SH3KBP1: variants seen among roughly 807,000 people sequenced by gnomAD.
SH3KBP1 encodes the protein SH3 domain-containing kinase-binding protein 1.
SH3KBP1 carries 8 observed loss-of-function variants against 50.1 expected under a neutral mutation model. The observed-to-expected ratio is 0.16, with a 90% CI of 0.09 to 0.29. The LOEUF is 0.29. Among genes scored for constraint, SH3KBP1 ranks in the 10% least tolerant of loss-of-function variants. The pLI is 1.00. For missense variants in SH3KBP1, 377 were observed against 535.2 expected (o/e 0.70, Z 2.92); for synonymous variants, 227 against 218.6 (o/e 1.04, Z -0.34).
chrX:19,638,138 C>T (rs751227853), intron 7 of SH3KBP1, among the ~76,000 whole-genome samples: 48 of 108,246 alleles, frequency 4.4e-4, no homozygotes, highest in African/African-American at 1.6e-3. Context: ...AGGCCGGGTG[C>T]GGTGGCTCAC....
At chrX:19,845,607 A>G (rs749814766) in intron 1 of SH3KBP1, among the ~76,000 whole-genome samples, 1 of 110,893 alleles carries the variant, frequency 9.0e-6, no homozygotes, top group South Asian at 3.8e-4. Flanking sequence ...GTGGAATCTT[A>G]GAAAACCATT....
intron 3 of SH3KBP1, among the ~76,000 whole-genome samples, chrX:19,724,424 C>T (rs1408291217): frequency 8.9e-6 from 1 of 112,171 alleles, no homozygotes; most frequent in African/African-American, 3.2e-5. Flanking sequence ...TTTTGCAAGA[C>T]GAAACTTCCC....
chrX:19,700,953 C>T (rs769596781), intron 4 of SH3KBP1, among the ~76,000 whole-genome samples: 1 of 111,906 alleles, frequency 8.9e-6, no homozygotes, highest in Non-Finnish European at 1.9e-5. Context: ...AGGCGGCCCT[C>T]GAAGAGAAAT....
chrX:19,656,363 T>C (rs903410388), intron 6 of SH3KBP1, among the ~76,000 whole-genome samples: 2 of 109,994 alleles, frequency 1.8e-5, no homozygotes, highest in African/African-American at 6.6e-5. Flanking sequence ...AATGGGGAGG[T>C]TGACACAATA....
intron 3 of SH3KBP1, among the ~76,000 whole-genome samples, chrX:19,719,818 C>G (rs976380096): frequency 1.2e-4 from 13 of 106,217 alleles, no homozygotes; most frequent in Admixed American, 6.2e-4. Flanking sequence ...TCAAGACCAG[C>G]TTGGGCAACA....
chrX:19,864,427 G>A lies in SH3KBP1; in HGVS notation c.4+22880C>T, dbSNP rs187249431. Reference sequence around the variant, plus strand: ...AGCTGGCCTTACAAAAGGAAGAGTCGCCTGGATTATCCAGGTGGACCCAAT... The same window carrying A: ...AGCTGGCCTTACAAAAGGAAGAGTCACCTGGATTATCCAGGTGGACCCAAT... On this transcript the variant is annotated intron_variant, in intron 1 of 17. Coordinates refer to ENST00000397821, the MANE Select transcript of SH3KBP1 (RefSeq NM_031892.3). Among the ~76,000 whole-genome samples the A allele has an allele frequency of 1.3e-4, 15 of 111,689 alleles. 1 individual carries two copies. The highest frequency in any genetic ancestry group is 6.7e-4 in the Admixed American group (7 of 10,509).
intron 2 of SH3KBP1, among the ~76,000 whole-genome samples, chrX:19,751,290 A>ATGGGACTCTGGATTTCC (rs1231799173): frequency 9.0e-6 from 1 of 111,528 alleles, no homozygotes; most frequent in East Asian, 2.8e-4. Context: ...GATCCAGGTC[A>ATGGGACTCTGGATTTCC]TGGGACTCTG....
At chrX:19,877,251 A>T (rs951955712) in intron 1 of SH3KBP1, among the ~76,000 whole-genome samples, 1 of 112,070 alleles carries the variant, frequency 8.9e-6, no homozygotes, top group Admixed American at 9.5e-5. Context: ...TGTTTTGATG[A>T]TCAAAACAGG....
At chrX:19,869,260 C>G (rs1167746393) in intron 1 of SH3KBP1, among the ~76,000 whole-genome samples, 4 of 112,333 alleles carry the variant, frequency 3.6e-5, no homozygotes, top group African/African-American at 1.3e-4. Context: ...TTTATTACAG[C>G]AGGAATAGGA....
At chrX:19,645,274 G>A (rs2061965025) in intron 7 of SH3KBP1, 126 bp downstream of exon 7, 4 of 518,939 alleles carry the variant, frequency 7.7e-6, no homozygotes, top group South Asian at 6.0e-5. Context: ...AAATACAATT[G>A]TGTACATTTT....
chrX:19,662,431 G>A (rs1317092572), intron 6 of SH3KBP1, among the ~76,000 whole-genome samples: 4 of 112,056 alleles, frequency 3.6e-5, no homozygotes, highest in Non-Finnish European at 7.5e-5. Context: ...ATATGCTCAA[G>A]GATAATGCTT....
At chrX:19,710,893 C>T (rs1170826487) in intron 3 of SH3KBP1, among the ~76,000 whole-genome samples, 1 of 111,143 alleles carries the variant, frequency 9.0e-6, no homozygotes, top group Non-Finnish European at 1.9e-5. Flanking sequence ...CCCCACGGCC[C>T]CCTTCCATTT....
chrX:19,864,859 ACT>A (rs2068865867), intron 1 of SH3KBP1, among the ~76,000 whole-genome samples: 1 of 111,486 alleles, frequency 9.0e-6, no homozygotes. Flanking sequence ...ATGAAGTAAA[ACT>A]CTCTATGCGG....
At chrX:19,699,188 T>A (rs971917727) in intron 4 of SH3KBP1, among the ~76,000 whole-genome samples, 2 of 111,954 alleles carry the variant, frequency 1.8e-5, no homozygotes, top group Non-Finnish European at 3.8e-5. Flanking sequence ...CCTTGAGAAG[T>A]TTCCAACAAG....
chrX:19,747,761 C>T (rs2064958884), intron 2 of SH3KBP1: 6 of 333,279 alleles, frequency 1.8e-5, no homozygotes, highest in Non-Finnish European at 3.6e-5. Flanking sequence ...CTGGGGCTGG[C>T]GCTTTGCTAG....
At chrX:19,678,516 C>G (rs2062979530) in intron 6 of SH3KBP1, among the ~76,000 whole-genome samples, 2 of 110,510 alleles carry the variant, frequency 1.8e-5, no homozygotes, top group Admixed American at 9.6e-5. Flanking sequence ...CAGAAATAGG[C>G]CCACTTATAT....
At chrX:19,768,930 G>GTT (rs370447360) in intron 2 of SH3KBP1, among the ~76,000 whole-genome samples, 3 of 104,099 alleles carry the variant, frequency 2.9e-5, no homozygotes, top group East Asian at 3.0e-4. Flanking sequence ...ACACATTTGG[G>GTT]TTTTTTTTTT....
intron 6 of SH3KBP1, among the ~76,000 whole-genome samples, chrX:19,666,810 C>T (rs976639431): frequency 1.8e-5 from 2 of 111,491 alleles, no homozygotes; most frequent in African/African-American, 6.5e-5. Flanking sequence ...AAATTTAAAT[C>T]GGAGTTGCCC....
chrX:19,720,206 T>A (rs2064019143), intron 3 of SH3KBP1, among the ~76,000 whole-genome samples: 1 of 111,001 alleles, frequency 9.0e-6, no homozygotes, highest in Admixed American at 9.6e-5. Context: ...TCCCTCTGCT[T>A]TTCATCTTTC....
Sources: allele counts gnomAD v4.1 joint callset (sites outside exome capture counted in the v4.1 genomes callset), GRCh38; gene constraint gnomAD v4.1.1; transcripts MANE v1.5; gene names NCBI Gene and HGNC (gene_info 2026-07-23, HGNC 2026-07-21).